CCSER1: variants seen among roughly 807,000 people sequenced by gnomAD.
The protein encoded by CCSER1 is coiled-coil serine rich protein 1, also known as serine-rich coiled-coil domain-containing protein 1.
CCSER1 carries 41 observed loss-of-function variants against 82.0 expected under a neutral mutation model. That is an observed-to-expected ratio of 0.50 (90% CI 0.39 to 0.65). The LOEUF is 0.65. CCSER1 is among the 30% of genes least tolerant of loss of function. The pLI is 0.00. For missense variants in CCSER1, 1,119 were observed against 1,064.2 expected (o/e 1.05, Z -0.72); for synonymous variants, 414 against 383.9 (o/e 1.08, Z -0.92).
At chr4:91,483,912 G>GT (rs546009002) in intron 10 of CCSER1, among the ~76,000 whole-genome samples, 276 of 152,106 alleles carry the variant, frequency 1.8e-3, no homozygotes, top group African/African-American at 6.5e-3. Flanking sequence ...TTGCTTTCTG[G>GT]TTTAACTATC....
At position 91,547,772 on chromosome 4, in the gene CCSER1, G is replaced by T. The variant is rs551359407; in HGVS notation, c.2218-50800G>T. Among the ~76,000 whole-genome samples the T allele has an allele frequency of 7.6e-4, 116 of 151,708 alleles. 1 individual carries two copies. Among genetic ancestry groups the T allele is most frequent in the Non-Finnish European group, 1.1e-3 (74 of 67,838 alleles). On this transcript the variant is annotated intron_variant, in intron 10 of 10. Coordinates refer to ENST00000509176, the MANE Select transcript of CCSER1 (RefSeq NM_001145065.2). ...TTTTCCAATAATCCACAATTTTTCT[G>T]AGTTTTTTGTTTTTTTGTTTGTTTT...
chr4:90,799,382 A>G (rs1756481321), intron 7 of CCSER1, among the ~76,000 whole-genome samples: 1 of 152,116 alleles, frequency 6.6e-6, no homozygotes. Context: ...AAGCAAAGAA[A>G]AATCCATCTG....
At position 91,270,438 on chromosome 4, in the gene CCSER1, A is replaced by G. The variant is rs368697772; in HGVS notation, c.2217+184444A>G. 6.7e-4 allele frequency among the ~76,000 whole-genome samples: 102 copies of G among 152,186 alleles called. 2 individuals carry two copies. In the South Asian group the frequency reaches 0.013, roughly 19 times the overall value. ...TAGGAAGGTATTAACAACGTTCATC[A>G]CATTTTTTTTTGTTCTTTTTAAGGC... On this transcript the variant is annotated intron_variant, in intron 10 of 10. Transcript: ENST00000509176.
intron 1 of CCSER1, among the ~76,000 whole-genome samples, chr4:90,243,062 C>CTTTTTTT (rs745465024): frequency 7.9e-6 from 1 of 127,016 alleles, no homozygotes; most frequent in African/African-American, 3.1e-5. Context: ...CTCTCTCTCT[C>CTTTTTTT]TTTTTTTTTT....
intron 10 of CCSER1, among the ~76,000 whole-genome samples, chr4:91,233,408 CAAG>C (rs1276469961): frequency 6.6e-6 from 1 of 151,906 alleles, no homozygotes; most frequent in Non-Finnish European, 1.5e-5. Context: ...CCTTGGAATT[CAAG>C]AAGAGTCACT....
At chr4:90,766,742 T>A (rs921672829) in intron 7 of CCSER1, among the ~76,000 whole-genome samples, 61 of 152,326 alleles carry the variant, frequency 4.0e-4, no homozygotes, top group African/African-American at 1.3e-3. Flanking sequence ...TACAGTTTTT[T>A]AAAAATTTCT....
chr4:90,809,127 G>A (rs537755581), intron 7 of CCSER1, among the ~76,000 whole-genome samples: 1 of 150,106 alleles, frequency 6.7e-6, no homozygotes, highest in Admixed American at 6.7e-5. Context: ...AGAACAGTCT[G>A]AGCAACAAAG....
intron 10 of CCSER1, among the ~76,000 whole-genome samples, chr4:91,137,252 A>C: frequency 1.9e-5 from 2 of 108,016 alleles, no homozygotes; most frequent in South Asian, 3.7e-4. Flanking sequence ...ATGAGTGAGA[A>C]TATGCGGTGT....
intron 7 of CCSER1, among the ~76,000 whole-genome samples, chr4:90,810,829 A>ATTT (rs1561177977): frequency 8.5e-6 from 1 of 117,736 alleles, no homozygotes; most frequent in African/African-American, 3.2e-5. Flanking sequence ...ATAAAGAGTA[A>ATTT]TTCTTTTTTT....
chr4:91,423,003 T>C (rs1257366071), intron 10 of CCSER1, among the ~76,000 whole-genome samples: 1 of 152,136 alleles, frequency 6.6e-6, no homozygotes, highest in African/African-American at 2.4e-5. Context: ...CACTGAAAAT[T>C]AAGACATAAT....
chr4:91,199,645 T>C (rs896410038), intron 10 of CCSER1, among the ~76,000 whole-genome samples: 6 of 152,104 alleles, frequency 3.9e-5, no homozygotes, highest in African/African-American at 1.4e-4. Flanking sequence ...CTGCTGTTTT[T>C]AAGGGTGCTT....
chr4:91,171,588 G>A (rs1251131131), intron 10 of CCSER1, among the ~76,000 whole-genome samples: 1 of 152,038 alleles, frequency 6.6e-6, no homozygotes, highest in Non-Finnish European at 1.5e-5. Flanking sequence ...CATTTCCATA[G>A]TTTTGTCTAA....
At chr4:91,312,843 A>G (rs1310373410) in intron 10 of CCSER1, among the ~76,000 whole-genome samples, 1 of 151,996 alleles carries the variant, frequency 6.6e-6, no homozygotes, top group Non-Finnish European at 1.5e-5. Flanking sequence ...TGTATATACA[A>G]TTTTTAGAAG....
Position 90,884,084 on chromosome 4 carries a change from G to C in CCSER1, c.2095-39286G>C, listed in dbSNP as rs555663302. Among the ~76,000 whole-genome samples, 5 of 152,226 alleles carry C rather than the reference G, an allele frequency of 3.3e-5. No individual in the cohort carries two copies. The East Asian group carries it at 9.7e-4, about 29-fold the overall frequency. On this transcript the variant is annotated intron_variant, in intron 8 of 10. Transcript: ENST00000509176. ...ATGAGTTAATCATGTTCAATTTTAAGTATCTAAGAGACCTCTGGATAGCTA... is the reference window on the plus strand; with the variant it reads ...ATGAGTTAATCATGTTCAATTTTAACTATCTAAGAGACCTCTGGATAGCTA...
rs141809519 is a variant in CCSER1 at position 90,259,453 on chromosome 4, T to G, written c.-41-48791T>G. ...ACTTCTTTTTTTTTCCCAATTTGTA[T>G]GTCCTTTATTTCTTTCTCTTGCCTA... On this transcript the variant is annotated intron_variant, in intron 1 of 10. Transcript: ENST00000509176. 6.6e-3 allele frequency among the ~76,000 whole-genome samples: 1,003 copies of G among 152,258 alleles called. 14 individuals are homozygous for G. Among genetic ancestry groups the G allele is most frequent in the South Asian group, 0.041 (197 of 4,820 alleles).
chr4:91,155,536 A>G (rs1197097013), intron 10 of CCSER1, among the ~76,000 whole-genome samples: 2 of 152,024 alleles, frequency 1.3e-5, no homozygotes, highest in African/African-American at 4.8e-5. Context: ...GATGTCAGAA[A>G]TAAAATACAA....
At chr4:90,407,173 T>A (rs12331823) in intron 4 of CCSER1, among the ~76,000 whole-genome samples, 10,660 of 152,022 alleles carry the variant, frequency 0.07, 519 homozygotes, top group African/African-American at 0.14. Flanking sequence ...AGAAACAAAA[T>A]GGGAGGCATT....
intron 10 of CCSER1, among the ~76,000 whole-genome samples, chr4:91,410,275 A>AT (rs1267448605): frequency 2.0e-5 from 3 of 151,994 alleles, no homozygotes; most frequent in Non-Finnish European, 2.9e-5. Flanking sequence ...CAAATCCAAG[A>AT]TTTTTTTCAA....
chr4:91,391,819 A>C (rs934118755), intron 10 of CCSER1, among the ~76,000 whole-genome samples: 1 of 152,256 alleles, frequency 6.6e-6, no homozygotes, highest in South Asian at 2.1e-4. Context: ...GTAATCTGCT[A>C]TGTTGGCCGT....
Sources: gnomAD v4.1 joint callset for allele counts (sites outside exome capture counted in the v4.1 genomes callset) on GRCh38, gnomAD v4.1.1 for gene constraint, MANE v1.5 for transcripts, NCBI Gene and HGNC (gene_info 2026-07-23, HGNC 2026-07-21) for gene names.